Variants in CATSPERG observed in about 807,000 individuals in gnomAD.
CATSPERG encodes catsper channel auxiliary subunit gamma, also known as cation channel sperm-associated auxiliary subunit gamma.
A neutral mutation model predicts 145.0 loss-of-function variants in CATSPERG; 115 were observed. The ratio of observed to expected loss-of-function variants is 0.79; its 90% CI spans 0.68 to 0.93. The LOEUF (loss-of-function observed/expected upper bound fraction) is 0.93. CATSPERG is among the 40% of genes least tolerant of loss of function. The pLI is 0.00. For synonymous variants in CATSPERG, 588 were observed against 589.0 expected, an observed-to-expected ratio of 1.00 and a Z score of 0.02; for missense variants, 1,296 against 1,490.1, an observed-to-expected ratio of 0.87 and a Z score of 2.14.
chr19:38,340,074 G>A lies in CATSPERG; in HGVS notation c.324+2428G>A, dbSNP rs1969911829. Among the ~76,000 whole-genome samples the A allele has an allele frequency of 2.0e-5, 3 of 152,044 alleles. No individual in the cohort carries two copies. The South Asian group carries it at 6.2e-4, about 32-fold the overall frequency. ...TCACCATGTTGGCCAGGCTGGTCTC[G>A]AACTCCTGACCTCAGGTGATCCACC... is the stretch of plus-strand genomic sequence containing the variant. On this transcript the variant is annotated intron_variant, in intron 3 of 28. Transcript: ENST00000409235.
rs73043019 is a variant in CATSPERG, at chr19:38,343,737, G to A, written c.469+13G>A. The A allele has an allele frequency of 6.5e-7, 1 of 1,546,718 alleles. No individual in the cohort carries two copies. On this transcript the variant is annotated intron_variant, in intron 4 of 28. Coordinates refer to ENST00000409235, the MANE Select transcript of CATSPERG (RefSeq NM_021185.5). ...TTCCGCAGCAAAGGTGGGCCTGGGGGAGGCGGGAGGGATCGCAACCTGGCA... is the reference window on the plus strand; with the variant it reads ...TTCCGCAGCAAAGGTGGGCCTGGGGAAGGCGGGAGGGATCGCAACCTGGCA...
intron 9 of CATSPERG, 108 bp from the exon 10 acceptor site, chr19:38,356,376 C>T: frequency 3.3e-6 from 3 of 908,346 alleles, no homozygotes; most frequent in Non-Finnish European, 5.3e-6. Context: ...GAATGAGATC[C>T]CAAGGACGGA....
intron 22 of CATSPERG, 124 bp from the exon 23 acceptor site, chr19:38,367,032 G>A (rs970886029): frequency 5.9e-6 from 5 of 840,414 alleles, no homozygotes; most frequent in Non-Finnish European, 7.2e-6. Flanking sequence ...CCTTGGGGGT[G>A]AGGGAGAGCC....
intron 7 of CATSPERG, 104 bp from the exon 8 acceptor site, chr19:38,352,157 T>C: frequency 8.5e-7 from 1 of 1,171,638 alleles, no homozygotes. Context: ...CAGCTACATG[T>C]GTCCCTCCCA....
rs1969985081 is a variant in CATSPERG at position 38,344,120 on chromosome 19, G to A, written c.596+1G>A. ...TGGGGACCTTCATTCCAGATAAAAG[G>A]TACCCTTTCCCAAGACGGGGGCTGG... On this transcript the variant is annotated splice_donor_variant, in intron 5 of 28. Transcript: ENST00000409235. LOFTEE classifies it high-confidence loss of function. 1 of 1,551,454 alleles carries A rather than the reference G, an allele frequency of 6.4e-7. No homozygotes were observed.
chr19:38,364,765 T>C, intron 20 of CATSPERG, 126 bp from the exon 21 acceptor site: 1 of 752,046 alleles, frequency 1.3e-6, no homozygotes. Context: ...GAGTAGAAAA[T>C]GGCAGCCTTC....
intron 3 of CATSPERG, among the ~76,000 whole-genome samples, chr19:38,341,836 A>G (rs539273631): frequency 3.9e-5 from 6 of 152,246 alleles, no homozygotes; most frequent in African/African-American, 1.4e-4. Flanking sequence ...TAGGAGGCAG[A>G]GGGTGCAATG....
intron 16 of CATSPERG, 82 bp from the exon 17 acceptor site, chr19:38,361,566 G>A: frequency 2.7e-6 from 3 of 1,104,002 alleles, no homozygotes; most frequent in Non-Finnish European, 3.9e-6. Flanking sequence ...GGAAGTGGGT[G>A]GGGTGGGAAA....
chr19:38,346,245 C>T (rs114262941), intron 6 of CATSPERG, among the ~76,000 whole-genome samples: 2,143 of 152,196 alleles, frequency 0.014, 48 homozygotes, highest in East Asian at 0.049. Flanking sequence ...TGGGCATGTT[C>T]CTGGGAGGTC....
chr19:38,370,385 C>A, intron 28 of CATSPERG, 127 bp downstream of exon 28: 1 of 1,391,934 alleles, frequency 7.2e-7, no homozygotes, highest in Non-Finnish European at 1.0e-6. Flanking sequence ...TGAACGCCTG[C>A]CATGCCACAG....
intron 3 of CATSPERG, among the ~76,000 whole-genome samples, chr19:38,340,632 T>A (rs1361559540): frequency 6.6e-6 from 1 of 151,916 alleles, no homozygotes; most frequent in Non-Finnish European, 1.5e-5. Flanking sequence ...TAATTTTATT[T>A]TTTTAGAGAC....
Position 38,356,560 on chromosome 19 carries a change from T to C in CATSPERG, c.1195+17T>C. Reference sequence around the variant, plus strand: ...AGATAGGAGGTACTCATTACCCCGATGGGTCTGCGGTGGGAGGCTGGGGGA... The same window carrying C: ...AGATAGGAGGTACTCATTACCCCGACGGGTCTGCGGTGGGAGGCTGGGGGA... On this transcript the variant is annotated intron_variant, in intron 10 of 28. Transcript: ENST00000409235. 6.2e-7 allele frequency: 1 copy of C among 1,612,466 alleles called. No individual in the cohort carries two copies. The highest frequency in any genetic ancestry group is 8.5e-7 in the Non-Finnish European group (1 of 1,179,220).
At chr19:38,343,912 G>T (rs770937974) in intron 4 of CATSPERG, 81 bp from the exon 5 acceptor site, 20 of 1,512,218 alleles carry the variant, frequency 1.3e-5, no homozygotes, top group Non-Finnish European at 1.8e-5. Context: ...GGGAGTTGTG[G>T]GGAGATCCCA....
chr19:38,361,948 G>T, intron 17 of CATSPERG, 87 bp downstream of exon 17: 1 of 1,061,660 alleles, frequency 9.4e-7, no homozygotes, highest in Admixed American at 2.3e-5. Context: ...GTGGAGCGGA[G>T]CGCAGCGGGA....
chr19:38,360,004 G>T, intron 14 of CATSPERG: 1 of 1,039,368 alleles, frequency 9.6e-7, no homozygotes, highest in Non-Finnish European at 1.2e-6. Context: ...CATGGAGGGG[G>T]ACATCTTGGA....
chr19:38,349,010 G>A (rs1359947737), intron 7 of CATSPERG: 2 of 152,084 alleles, frequency 1.3e-5, no homozygotes, highest in East Asian at 3.8e-4. Flanking sequence ...TTTATTTCAT[G>A]TCAGACAGGT....
intron 11 of CATSPERG, chr19:38,358,066 T>G: frequency 5.3e-6 from 3 of 566,136 alleles, no homozygotes; most frequent in East Asian, 3.0e-5. Flanking sequence ...TGCAGTGAGC[T>G]GAGATCACAC....
At chr19:38,352,729 A>G (rs1212746694) in intron 8 of CATSPERG, among the ~76,000 whole-genome samples, 1 of 150,176 alleles carries the variant, frequency 6.7e-6, no homozygotes, top group Non-Finnish European at 1.5e-5. Flanking sequence ...GCGTGTGCCC[A>G]CACACAGTGG....
intron 6 of CATSPERG, 103 bp from the exon 7 acceptor site, chr19:38,346,347 C>G (rs985107028): frequency 7.6e-5 from 82 of 1,077,948 alleles, no homozygotes; most frequent in Non-Finnish European, 9.6e-5. Context: ...AAGGACAAAT[C>G]GCGTGGGGCC....
Sources: allele counts gnomAD v4.1 joint callset (sites outside exome capture counted in the v4.1 genomes callset), GRCh38; gene constraint gnomAD v4.1.1; transcripts MANE v1.5; gene names NCBI Gene and HGNC (gene_info 2026-07-23, HGNC 2026-07-21).